BDP1: variants seen among roughly 807,000 people sequenced by gnomAD.
The protein encoded by BDP1 is BDP1 general transcription factor IIIB subunit, also known as transcription factor TFIIIB component B'' homolog.
BDP1 carries 169 observed loss-of-function variants against 266.6 expected under a neutral mutation model. The observed-to-expected ratio is 0.63, with a 90% CI of 0.56 to 0.72. The LOEUF (loss-of-function observed/expected upper bound fraction) is 0.72. BDP1 is among the 30% of genes least tolerant of loss of function. The pLI, the probability that BDP1 is intolerant of heterozygous loss-of-function variation, is 0.00. For missense variants in BDP1, 3,015 were observed against 3,053.8 expected, an observed-to-expected ratio of 0.99 and a Z score of 0.30; for synonymous variants, 1,090 against 1,022.4, an observed-to-expected ratio of 1.07 and a Z score of -1.26.
chr5:71,507,128 A>G lies in BDP1; in HGVS notation c.2373-2337A>G, dbSNP rs972158479. Among the ~76,000 whole-genome samples the G allele has an allele frequency of 8.5e-5, 13 of 152,194 alleles. 1 individual carries two copies. Among genetic ancestry groups the G allele is most frequent in the African/African-American group, 3.1e-4 (13 of 41,552 alleles). The stretch of plus-strand genomic sequence containing the variant: ...TGAGCCACCACGCCTGGCCATGAAT[A>G]TTTTATAGATTCTTAAACTCCGTGT... On this transcript the variant is annotated intron_variant, in intron 16 of 38. Coordinates refer to ENST00000358731, the MANE Select transcript of BDP1 (RefSeq NM_018429.3).
chr5:71,539,706 A>G, intron 28 of BDP1, 57 bp downstream of exon 28: 1 of 1,174,656 alleles, frequency 8.5e-7, no homozygotes, highest in Non-Finnish European at 1.2e-6. Context: ...CTAACTTAAG[A>G]AATTATACCC....
intron 15 of BDP1, among the ~76,000 whole-genome samples, 169 bp from the exon 16 acceptor site, chr5:71,504,452 A>G (rs3761965): frequency 1.3e-5 from 2 of 151,926 alleles, no homozygotes; most frequent in Non-Finnish European, 2.9e-5. Context: ...GGAGTAACTC[A>G]TGAAATTTTC....
At chr5:71,514,021 G>A (rs1344357521) in intron 19 of BDP1, among the ~76,000 whole-genome samples, 2 of 152,084 alleles carry the variant, frequency 1.3e-5, no homozygotes, top group African/African-American at 4.8e-5. Context: ...CGCCCAGCGA[G>A]AATAATCGTT....
chr5:71,532,186 T>G (rs773960609), intron 25 of BDP1, 122 bp from the exon 26 acceptor site: 43 of 785,242 alleles, frequency 5.5e-5, no homozygotes, highest in Non-Finnish European at 7.9e-5. Context: ...TTTTAAGTTA[T>G]GTATGAATGT....
rs528661778 is a variant in BDP1 at position 71,481,730 on chromosome 5, A to C, written c.1015-2112A>C. Among the ~76,000 whole-genome samples, 6 of 152,328 alleles carry C rather than the reference A, an allele frequency of 3.9e-5. No individual in the cohort carries two copies. In the East Asian group the frequency reaches 1.2e-3, roughly 29 times the overall value. ...ATGGGATTTCTCATCTGATTTACAG[A>C]AAATAATTTGAATTACTATTATATT... On this transcript the variant is annotated intron_variant, in intron 7 of 38. Coordinates refer to ENST00000358731, the MANE Select transcript of BDP1 (RefSeq NM_018429.3).
intron 7 of BDP1, among the ~76,000 whole-genome samples, chr5:71,476,766 C>T (rs561165100): frequency 1.7e-4 from 26 of 152,200 alleles, no homozygotes; most frequent in African/African-American, 5.1e-4. Context: ...TGCAGTGGCG[C>T]GGTCTAGGCT....
intron 11 of BDP1, among the ~76,000 whole-genome samples, chr5:71,491,487 T>C (rs566579575): frequency 6.6e-6 from 1 of 152,050 alleles, no homozygotes; most frequent in East Asian, 1.9e-4. Flanking sequence ...TCTTGCTGTG[T>C]GTGTGTGTGT....
chr5:71,503,288 C>CT (rs1430793979), intron 15 of BDP1, among the ~76,000 whole-genome samples: 1 of 152,054 alleles, frequency 6.6e-6, no homozygotes, highest in East Asian at 1.9e-4. Context: ...TGCCCAACCC[C>CT]TTTACCCCCT....
At chr5:71,573,496 G>A in the BDP1 span, among the ~76,000 whole-genome samples, 30 of 152,308 alleles carry the variant, frequency 2.0e-4, no homozygotes, top group South Asian at 6.2e-3. Flanking sequence ...AGTTGTTGAA[G>A]GAATTAAAAG....
At position 71,539,642 on chromosome 5, in the gene BDP1, G is replaced by T; in HGVS notation, c.6015G>T (p.Gln2005His). ...TGCAGTCAGAGATCAGTAGTGAACAGGGTGATGGTAAGAATGAAAGCTAAG... is the reference window on the plus strand; with the variant it reads ...TGCAGTCAGAGATCAGTAGTGAACATGGTGATGGTAAGAATGAAAGCTAAG... ...LVLQSEISSE[Q>H]GDVGVCIIPH... Residue 2005 changes from glutamine to histidine, a missense_variant, in exon 28 of 39, where the codon CAG (glutamine) becomes CAT (histidine). Gln to His is a conservative substitution (Grantham distance 24). This residue lies in a region of BDP1 where 2,383 missense variants were observed against 2,404.9 expected (regional missense o/e 0.99). Coordinates refer to ENST00000358731, the MANE Select transcript of BDP1 (RefSeq NM_018429.3). 6.2e-7 allele frequency: 1 copy of T among 1,603,390 alleles called. No individual in the cohort carries two copies.
chr5:71,478,911 C>T (rs1039305528), intron 7 of BDP1, among the ~76,000 whole-genome samples: 1 of 152,106 alleles, frequency 6.6e-6, no homozygotes, highest in Non-Finnish European at 1.5e-5. Context: ...TTGATAGTTT[C>T]TATTGTCATA....
chr5:71,553,462 T>G, intron 35 of BDP1, 142 bp downstream of exon 35: 1 of 585,136 alleles, frequency 1.7e-6, no homozygotes, highest in Non-Finnish European at 2.9e-6. Flanking sequence ...TCATCATAAG[T>G]TATTCAAGTA....
rs371356044 is a variant in BDP1, at chr5:71,513,396, C to A, written c.4459C>A (p.Pro1487Thr). ...QENNEQTDTLPSQHDEASLMI... is the reference protein window; with the variant it reads ...QENNEQTDTLTSQHDEASLMI... ...AAATAATGAACAAACTGATACTCTC[C>A]CTTCTCAACATGTGAGTGTATTTGA... The change falls in exon 19 of 39, where the codon CCT becomes ACT. Residue 1487 changes from proline to threonine, a missense_variant. Around this residue, in one of 3 missense-constraint regions of BDP1, gnomAD observed 2,383 missense variants for 2,404.9 expected, o/e 0.99. Coordinates refer to ENST00000358731, the MANE Select transcript of BDP1 (RefSeq NM_018429.3). 202 of 1,574,162 alleles carry A rather than the reference C, an allele frequency of 1.3e-4. No individual in the cohort carries two copies. The highest frequency in any genetic ancestry group is 1.6e-4 in the Non-Finnish European group (189 of 1,161,884).
chr5:71,469,644 C>T (rs1379115557), intron 6 of BDP1, among the ~76,000 whole-genome samples: 11 of 151,870 alleles, frequency 7.2e-5, no homozygotes, highest in African/African-American at 2.2e-4. Flanking sequence ...GGTGGAGTCT[C>T]GCTCTTTCGC....
Position 71,510,582 on chromosome 5 carries a change from A to C in BDP1, c.3490A>C (p.Lys1164Gln). 3 of 1,613,796 alleles carry C rather than the reference A, an allele frequency of 1.9e-6. No homozygotes were observed. Among genetic ancestry groups the C allele is most frequent in the Non-Finnish European group, 2.5e-6 (3 of 1,179,730 alleles). Residue 1164 changes from lysine (K) to glutamine (Q), a missense_variant, in exon 17 of 39, where the codon AAG becomes CAG. Around this residue, in one of 3 missense-constraint regions of BDP1, gnomAD observed 2,383 missense variants for 2,404.9 expected, o/e 0.99. Transcript: ENST00000358731. ...AGAGGAAAATGGCCCAGAGGAGGTC[A>C]AGCCTGTAGATGAAATGGAGACAGA... is the stretch of plus-strand genomic sequence containing the variant. ...SPEENGPEEV[K>Q]PVDEMETDLK...
At chr5:71,530,201 A>T (rs531713119) in intron 25 of BDP1, among the ~76,000 whole-genome samples, 1 of 151,498 alleles carries the variant, frequency 6.6e-6, no homozygotes, top group Non-Finnish European at 1.5e-5. Context: ...GAACTTTAAA[A>T]TTTTTTTTTG....
Position 71,467,401 on chromosome 5 carries a change from A to C in BDP1, c.833A>C (p.Glu278Ala). Residue 278 changes from glutamate to alanine, a missense_variant, in exon 6 of 39, where the codon GAA (glutamate) becomes GCA (alanine). Physicochemically the swap from Glu to Ala is moderately radical, Grantham distance 107. This residue lies in a region of BDP1 where 2,383 missense variants were observed against 2,404.9 expected (regional missense o/e 0.99). Transcript: ENST00000358731. ...ACAAAAGGCCCTTGTGTTGTTGAAG[A>C]AAATGACCCCATATTTGAGCGCGGT... ...LRTKGPCVVE[E>A]NDPIFERGST... is the part of the protein sequence containing the mutation. 6.2e-7 allele frequency: 1 copy of C among 1,611,100 alleles called. No individual in the cohort carries two copies. Among genetic ancestry groups the C allele is most frequent in the South Asian group, 1.1e-5 (1 of 90,918 alleles).
chr5:71,577,683 A>C, the BDP1 span, among the ~76,000 whole-genome samples: 3 of 152,220 alleles, frequency 2.0e-5, no homozygotes, highest in African/African-American at 7.2e-5. Flanking sequence ...CAAATTCCAG[A>C]GTTTCAGCCT....
chr5:71,500,558 C>G (rs1441781687), intron 13 of BDP1, among the ~76,000 whole-genome samples: 2 of 151,718 alleles, frequency 1.3e-5, no homozygotes, highest in South Asian at 4.2e-4. Context: ...AACTTCTGAC[C>G]TCAGGTGGTC....
Sources: gnomAD v4.1 joint callset for allele counts (sites outside exome capture counted in the v4.1 genomes callset) on GRCh38, gnomAD v4.1.1 for gene constraint, gnomAD v4.1.1 regional missense constraint, MANE v1.5 for transcripts, NCBI Gene and HGNC (gene_info 2026-07-23, HGNC 2026-07-21) for gene names.